SH2D5: variants seen among roughly 807,000 people sequenced by gnomAD.
SH2D5 encodes the protein SH2 domain containing 5, also known as SH2 domain-containing protein 5.
A neutral mutation model predicts 48.2 loss-of-function variants in SH2D5; 45 were observed. The ratio of observed to expected loss-of-function variants is 0.93; its 90% CI spans 0.73 to 1.20. The LOEUF (loss-of-function observed/expected upper bound fraction) is 1.20. SH2D5 is among the 50% of genes most tolerant of loss of function. The probability of loss-of-function intolerance (pLI) is 0.00; values close to 1 mark genes in which losing one functional copy is unlikely to be tolerated. For missense variants in SH2D5, 538 were observed against 584.1 expected (o/e 0.92, Z 0.81); for synonymous variants, 230 against 249.8 (o/e 0.92, Z 0.75).
Position 20,721,101 on chromosome 1 carries a change from T to A in SH2D5, c.*691A>T. ...TTTTGAGTGGAGACAGCATGGAGAT[T>A]CTTGGCCCTGTCTGCTGGTGCGCAT... On this transcript the variant is annotated 3_prime_UTR_variant, in exon 10 of 10. Coordinates refer to ENST00000444387, the MANE Select transcript of SH2D5 (RefSeq NM_001103161.2). 6.5e-6 allele frequency: 1 copy of A among 153,514 alleles called. No homozygotes were observed. The highest frequency in any genetic ancestry group is 1.9e-4 in the East Asian group (1 of 5,202). 9.5% of individuals were successfully genotyped at this position (153,514 alleles called of 1,614,324 possible). A position where few individuals can be genotyped will look rare whatever the true frequency, so the allele number is the denominator to read the frequency against.
intron 5 of SH2D5, 30 bp from the exon 6 acceptor site, chr1:20,724,665 C>T (rs761276330): frequency 5.0e-5 from 76 of 1,506,226 alleles, no homozygotes. Context: ...GTGGGCTCAG[C>T]TGGAGGAGGT....
chr1:20,724,222 G>A lies in SH2D5; in HGVS notation c.660C>T (p.Ala220=), dbSNP rs766444839. 8.1e-6 allele frequency: 13 copies of A among 1,612,696 alleles called. No individual in the cohort carries two copies. The South Asian group carries it at 1.2e-4, about 15-fold the overall frequency. Residue 220 remains alanine (A), a synonymous_variant, in exon 7 of 10, where the codon GCC becomes GCT. Coordinates refer to ENST00000444387, the MANE Select transcript of SH2D5 (RefSeq NM_001103161.2). ...AGGGATTCCCCAGGCGGGCATGGCG[G>A]GCACGGCCTTCCGACTCTGGCAGCT... ...GKELPESEGR[A]RHARLGNPYC...
At chr1:20,725,092 C>T (rs909465224) in intron 5 of SH2D5, among the ~76,000 whole-genome samples, 5 of 152,256 alleles carry the variant, frequency 3.3e-5, no homozygotes, top group Admixed American at 2.0e-4. Flanking sequence ...TTCCTCATCC[C>T]CACCTCCCTG....
At chr1:20,727,339 C>T (rs186898652) in intron 3 of SH2D5, 184 bp downstream of exon 3, 31 of 653,112 alleles carry the variant, frequency 4.7e-5, no homozygotes, top group African/African-American at 4.0e-4. Flanking sequence ...GCCCAGGTCA[C>T]AGTAGCCCAG....
intron 8 of SH2D5, 32 bp downstream of exon 8, chr1:20,723,594 C>G: frequency 6.5e-7 from 1 of 1,541,198 alleles, no homozygotes; most frequent in Non-Finnish European, 8.9e-7. Flanking sequence ...CCCCAAGGGA[C>G]TGGGCGTCAG....
intron 3 of SH2D5, 189 bp downstream of exon 3, chr1:20,727,334 G>A (rs2054820877): frequency 1.5e-6 from 1 of 647,552 alleles, no homozygotes; most frequent in Non-Finnish European, 2.7e-6. Flanking sequence ...GTGGGGCCCA[G>A]GTCACAGTAG....
chr1:20,732,144 C>T lies in SH2D5; in HGVS notation c.-43+37G>A, dbSNP rs1483989506. On this transcript the variant is annotated intron_variant, in intron 1 of 9. Coordinates refer to ENST00000444387, the MANE Select transcript of SH2D5 (RefSeq NM_001103161.2). This position sits in a 1 kb window ranked among gnomAD's most constrained non-coding sequence, Gnocchi z 5.1. ...CCACACGTGGCCGCGGGAACCGACC[C>T]CCGGATCACCTGGCGGCGGCGACCC... 3 of 151,918 alleles carry T rather than the reference C, an allele frequency of 2.0e-5. No individual in the cohort carries two copies. Among genetic ancestry groups the T allele is most frequent in the Non-Finnish European group, 2.9e-5 (2 of 67,918 alleles). 9.4% of individuals were successfully genotyped at this position (151,918 alleles called of 1,614,324 possible). A position where few individuals can be genotyped will look rare whatever the true frequency, so the allele number is the denominator to read the frequency against.
In SH2D5 at chr1:20,726,043, C is replaced by G; in HGVS notation, c.267G>C (p.Leu89=). 2 of 1,607,730 alleles carry G rather than the reference C, an allele frequency of 1.2e-6. No homozygotes were observed. The highest frequency in any genetic ancestry group is 1.7e-4 in the Middle Eastern group (1 of 6,048). The part of the protein sequence containing the change: ...EGEVLLMAHA[L]RRILYSTWCP... Reference sequence around the variant, plus strand: ...ACCAGGTGGAGTAGAGTATGCGCCTCAGGGCATGAGCCATCAGCAGCACCT... The same window carrying G: ...ACCAGGTGGAGTAGAGTATGCGCCTGAGGGCATGAGCCATCAGCAGCACCT... Residue 89 remains leucine (L), a synonymous_variant, in exon 5 of 10, where the codon CTG becomes CTC. Coordinates refer to ENST00000444387, the MANE Select transcript of SH2D5 (RefSeq NM_001103161.2).
intron 3 of SH2D5, 102 bp downstream of exon 3, chr1:20,727,421 C>T (rs2054822206): frequency 8.6e-7 from 1 of 1,167,628 alleles, no homozygotes; most frequent in African/African-American, 1.5e-5. Flanking sequence ...GGCCTGTGTC[C>T]TGCCCCTCTC....
intron 2 of SH2D5, among the ~76,000 whole-genome samples, 159 bp downstream of exon 2, chr1:20,727,797 AAG>A (rs1404344112): frequency 7.2e-5 from 11 of 152,304 alleles, no homozygotes; most frequent in African/African-American, 2.6e-4. Context: ...AAGCTCTCTG[AAG>A]TCCCAGTCCC....
chr1:20,721,821 A>C lies in SH2D5; in HGVS notation c.1243T>G (p.Ser415Ala). Residue 415 changes from serine to alanine, a missense_variant, in exon 10 of 10, where the codon TCC (serine) becomes GCC (alanine). Physicochemically the swap from Ser to Ala is moderately conservative, Grantham distance 99. Coordinates refer to ENST00000444387, the MANE Select transcript of SH2D5 (RefSeq NM_001103161.2). ...RTLRPLSHAK[S>A]EAELQGLG ...CCCAGGCCCTGCAGCTCTGCCTCGGACTTGGCATGGCTGAGGGGCCGGAGA... is the reference window on the plus strand; with the variant it reads ...CCCAGGCCCTGCAGCTCTGCCTCGGCCTTGGCATGGCTGAGGGGCCGGAGA... 1 of 1,601,922 alleles carries C rather than the reference A, an allele frequency of 6.2e-7. No homozygotes were observed.
rs1019393516 is a variant in SH2D5 at position 20,732,669 on chromosome 1, CTT to C, written c.-533_-532del. The C allele has an allele frequency of 2.0e-5, 3 of 152,422 alleles. No individual in the cohort carries two copies. Among genetic ancestry groups the C allele is most frequent in the Admixed American group, 6.5e-5 (1 of 15,308 alleles). 9.4% of individuals were successfully genotyped at this position (152,422 alleles called of 1,614,324 possible). Reference sequence around the variant, plus strand: ...GGGTCGTTGCGCATCCTCCTCCTCACTTTCTTCCTGCCGGGACGTTCTCAGCC... The same window carrying C: ...GGGTCGTTGCGCATCCTCCTCCTCACTCTTCCTGCCGGGACGTTCTCAGCC... On this transcript the variant is annotated 5_prime_UTR_variant, in exon 1 of 10. Transcript: ENST00000444387. This position sits in a 1 kb window ranked among gnomAD's most constrained non-coding sequence, Gnocchi z 5.1.
intron 6 of SH2D5, 64 bp from the exon 7 acceptor site, chr1:20,724,315 A>T: frequency 6.2e-7 from 1 of 1,602,394 alleles, no homozygotes; most frequent in Non-Finnish European, 8.5e-7. Flanking sequence ...GGCCAAGTGA[A>T]GCCCCTGCCC....
intron 1 of SH2D5, among the ~76,000 whole-genome samples, chr1:20,730,318 G>T (rs1359605502): frequency 7.4e-6 from 1 of 135,824 alleles, no homozygotes; most frequent in African/African-American, 2.8e-5. Context: ...GGGGGGGGGG[G>T]GACGCAGCCC....
intron 5 of SH2D5, 35 bp downstream of exon 5, chr1:20,725,885 C>G (rs1219897131): frequency 1.2e-6 from 2 of 1,608,762 alleles, no homozygotes; most frequent in Admixed American, 1.7e-5. Flanking sequence ...CCCCTCCGGC[C>G]TCCGTGGCGG....
Position 20,724,651 on chromosome 1 carries a change from A to G in SH2D5, c.391-16T>C. 6.5e-7 allele frequency: 1 copy of G among 1,535,142 alleles called. No individual in the cohort carries two copies. On this transcript the variant is annotated splice_polypyrimidine_tract_variant and intron_variant, in intron 5 of 9. Coordinates refer to ENST00000444387, the MANE Select transcript of SH2D5 (RefSeq NM_001103161.2). ...GGATCTGGACCTGGGAGGGAGGGAG[A>G]GAGGTGGGCTCAGCTGGAGGAGGTC...
intron 4 of SH2D5, among the ~76,000 whole-genome samples, chr1:20,726,729 G>C (rs1216805439): frequency 1.3e-5 from 2 of 152,162 alleles, no homozygotes; most frequent in African/African-American, 4.8e-5. Flanking sequence ...GCCTCAGTGG[G>C]CTGGATGTTC....
chr1:20,728,112 T>C lies in SH2D5; in HGVS notation c.-42-26A>G. 8.5e-7 allele frequency: 1 copy of C among 1,173,692 alleles called. No homozygotes were observed. The highest frequency in any genetic ancestry group is 1.2e-6 in the Non-Finnish European group (1 of 827,632). The allele number at this position is 1,173,692 out of a possible 1,614,324, so 72.7% of individuals were successfully genotyped here. On this transcript the variant is annotated intron_variant, in intron 1 of 9. Coordinates refer to ENST00000444387, the MANE Select transcript of SH2D5 (RefSeq NM_001103161.2). The surrounding 1 kb of genome is among the most constrained non-coding windows in gnomAD (Gnocchi z 4.3). Reference sequence around the variant, plus strand: ...CTGCAAAGGGCAGGGGGGGAAGGGCTGCTTTCGAGGCAGGCAAGCCACAGA... The same window carrying C: ...CTGCAAAGGGCAGGGGGGGAAGGGCCGCTTTCGAGGCAGGCAAGCCACAGA...
In SH2D5 at chr1:20,724,608, G is replaced by A. The variant is rs576868307; in HGVS notation, c.418C>T (p.Arg140Cys). 6.3e-6 allele frequency: 10 copies of A among 1,584,320 alleles called. No individual in the cohort carries two copies. Among genetic ancestry groups the A allele is most frequent in the South Asian group, 3.4e-5 (3 of 88,476 alleles). Reference protein sequence around the residue: ...EVQILHLLLCRSFQLAYLLQH... With the variant: ...EVQILHLLLCCSFQLAYLLQH... ...AAGAGGTAAGCCAGCTGGAAAGAGC[G>A]GCACAGCAGCAGGTGCAGGATCTGG... The change falls in exon 6 of 10, where the codon CGC becomes TGC. Residue 140 changes from arginine to cysteine, a missense_variant. Transcript: ENST00000444387.
Sources: allele counts gnomAD v4.1 joint callset (sites outside exome capture counted in the v4.1 genomes callset), GRCh38; gene constraint gnomAD v4.1.1; non-coding constraint Gnocchi (gnomAD v3.1); transcripts MANE v1.5; gene names NCBI Gene and HGNC (gene_info 2026-07-23, HGNC 2026-07-21).